Variants in CARMIL1 observed in about 807,000 individuals in gnomAD.
CARMIL1 encodes the protein F-actin-uncapping protein LRRC16A.
CARMIL1 carries 90 observed loss-of-function variants against 177.1 expected under a neutral mutation model. That is an observed-to-expected ratio of 0.51 (90% CI 0.43 to 0.61). The LOEUF is 0.61. Ranked by LOEUF, CARMIL1 falls within the 20% of genes least tolerant of loss-of-function variation. CARMIL1 has a pLI of 0.00. For synonymous variants in CARMIL1, 577 were observed against 606.2 expected (o/e 0.95, Z 0.71); for missense variants, 1,380 against 1,667.0 (o/e 0.83, Z 3.00).
intron 1 of CARMIL1, among the ~76,000 whole-genome samples, chr6:25,281,677 G>A (rs2744273): frequency 0.082 from 12,509 of 152,148 alleles, 906 homozygotes; most frequent in African/African-American, 0.19. Context: ...GTCAAGTTAG[G>A]CTGGGATAGA....
intron 2 of CARMIL1, among the ~76,000 whole-genome samples, chr6:25,390,621 C>T (rs1215165349): frequency 1.3e-5 from 2 of 152,018 alleles, no homozygotes; most frequent in East Asian, 3.9e-4. Context: ...TGCATCCCGC[C>T]TAGATTTTTT....
chr6:25,490,730 TAAA>T (rs1803126694), intron 13 of CARMIL1, among the ~76,000 whole-genome samples: 22 of 131,296 alleles, frequency 1.7e-4, no homozygotes, highest in African/African-American at 6.9e-4. Context: ...AATAAATAAA[TAAA>T]TAAATAAATA....
intron 26 of CARMIL1, among the ~76,000 whole-genome samples, chr6:25,548,817 T>C (rs1809777703): frequency 6.6e-6 from 1 of 152,194 alleles, no homozygotes; most frequent in Admixed American, 6.5e-5. Flanking sequence ...ACAGAAGACC[T>C]GAGTGCCCAT....
intron 18 of CARMIL1, among the ~76,000 whole-genome samples, chr6:25,510,074 A>C (rs1197309154): frequency 1.3e-5 from 2 of 152,188 alleles, no homozygotes; most frequent in Admixed American, 1.3e-4. Context: ...TTTATTCAAA[A>C]GCTTATTTCA....
intron 9 of CARMIL1, among the ~76,000 whole-genome samples, chr6:25,467,576 T>G (rs1800729601): frequency 6.6e-6 from 1 of 152,202 alleles, no homozygotes; most frequent in Non-Finnish European, 1.5e-5. Flanking sequence ...CATTCTGTCA[T>G]TATTCCTCCC....
chr6:25,465,919 A>G lies in CARMIL1; in HGVS notation c.661A>G (p.Thr221Ala). The change falls in exon 9 of 37, where the codon ACA becomes GCA. Residue 221 changes from threonine to alanine, a missense_variant. Physicochemically the swap from Thr to Ala is moderately conservative, Grantham distance 58. Transcript: ENST00000329474. Reference sequence around the variant, plus strand: ...TGCTCTGGAATATAATCAGTGGTTCACAAAACTGTCCTCTAAGGATCTAAA... The same window carrying G: ...TGCTCTGGAATATAATCAGTGGTTCGCAAAACTGTCCTCTAAGGATCTAAA... The part of the protein sequence containing the change: ...IAALEYNQWF[T>A]KLSSKDLKLS... 1 of 1,612,508 alleles carries G rather than the reference A, an allele frequency of 6.2e-7. No homozygotes were observed. Among genetic ancestry groups the G allele is most frequent in the Non-Finnish European group, 8.5e-7 (1 of 1,178,612 alleles).
chr6:25,484,641 G>T (rs1272371931), intron 12 of CARMIL1, among the ~76,000 whole-genome samples: 1 of 152,120 alleles, frequency 6.6e-6, no homozygotes, highest in African/African-American at 2.4e-5. Flanking sequence ...TTATGGTAAA[G>T]ATTTAGAAGA....
chr6:25,298,936 T>G (rs1581484773), intron 2 of CARMIL1, among the ~76,000 whole-genome samples: 2 of 152,136 alleles, frequency 1.3e-5, no homozygotes, highest in South Asian at 2.1e-4. Context: ...GTATTTTTAG[T>G]GGAGACAGGG....
At chr6:25,444,885 A>C (rs976993403) in intron 5 of CARMIL1, among the ~76,000 whole-genome samples, 1 of 152,208 alleles carries the variant, frequency 6.6e-6, no homozygotes, top group African/African-American at 2.4e-5. Context: ...TTGGGTATAT[A>C]CCCAGTAATG....
chr6:25,435,928 G>A (rs1158866473), intron 5 of CARMIL1, among the ~76,000 whole-genome samples: 1 of 152,152 alleles, frequency 6.6e-6, no homozygotes, highest in Admixed American at 6.5e-5. Context: ...CTTATTACCA[G>A]AGTGCCAGGG....
chr6:25,432,893 A>G (rs1056923779), intron 4 of CARMIL1: 2 of 101,376 alleles, frequency 2.0e-5, no homozygotes, highest in Non-Finnish European at 4.5e-5. Context: ...ATAAGTTACT[A>G]TGGCTTATAT....
At chr6:25,538,211 G>A (rs773077286) in intron 25 of CARMIL1, among the ~76,000 whole-genome samples, 6 of 152,168 alleles carry the variant, frequency 3.9e-5, no homozygotes, top group South Asian at 2.1e-4. Flanking sequence ...CAGAGGGTGT[G>A]ATTGGGCCCT....
chr6:25,387,602 G>C (rs747094242), intron 2 of CARMIL1, among the ~76,000 whole-genome samples: 14 of 152,186 alleles, frequency 9.2e-5, no homozygotes, highest in Non-Finnish European at 1.3e-4. Context: ...TGAAGATGCA[G>C]AATTTAGAAT....
chr6:25,438,178 CT>C (rs1184560572), intron 5 of CARMIL1, among the ~76,000 whole-genome samples: 1 of 152,182 alleles, frequency 6.6e-6, no homozygotes, highest in Non-Finnish European at 1.5e-5. Flanking sequence ...TAAAGAGAGT[CT>C]TTATTCATGT....
At chr6:25,496,150 G>A (rs931774580) in intron 16 of CARMIL1, among the ~76,000 whole-genome samples, 7 of 151,782 alleles carry the variant, frequency 4.6e-5, no homozygotes, top group Non-Finnish European at 7.4e-5. Flanking sequence ...ATTTCATATA[G>A]TACCAGATGA....
chr6:25,364,095 A>G (rs1229022684), intron 2 of CARMIL1, among the ~76,000 whole-genome samples: 1 of 151,786 alleles, frequency 6.6e-6, no homozygotes, highest in African/African-American at 2.4e-5. Flanking sequence ...ACAGGCATGC[A>G]CTACCATACC....
At chr6:25,386,803 A>G (rs529359391) in intron 2 of CARMIL1, among the ~76,000 whole-genome samples, 5 of 152,220 alleles carry the variant, frequency 3.3e-5, no homozygotes, top group African/African-American at 9.6e-5. Context: ...AACAAGCAAT[A>G]GGTGAAAATC....
chr6:25,464,594 T>C (rs1369855851), intron 8 of CARMIL1, among the ~76,000 whole-genome samples: 1 of 152,238 alleles, frequency 6.6e-6, no homozygotes, highest in East Asian at 1.9e-4. Flanking sequence ...TGTCCTGCAC[T>C]GAGCATAAAA....
chr6:25,593,597 G>A (rs1310308271), intron 31 of CARMIL1, among the ~76,000 whole-genome samples: 1 of 152,158 alleles, frequency 6.6e-6, no homozygotes, highest in Non-Finnish European at 1.5e-5. Context: ...ATCCAGGCGT[G>A]GCTTATTCAG....
Sources: gnomAD v4.1 joint callset for allele counts (sites outside exome capture counted in the v4.1 genomes callset) on GRCh38, gnomAD v4.1.1 for gene constraint, MANE v1.5 for transcripts, NCBI Gene and HGNC (gene_info 2026-07-23, HGNC 2026-07-21) for gene names.